AP3B1: variants seen among roughly 807,000 people sequenced by gnomAD.
AP3B1 encodes the protein AP-3 complex subunit beta-1.
In AP3B1, 61 loss-of-function variants were observed where a neutral mutation model predicts 132.5. The ratio of observed to expected loss-of-function variants is 0.46; its 90% confidence interval spans 0.37 to 0.57. The LOEUF (loss-of-function observed/expected upper bound fraction) is 0.57, where lower values mean the gene tolerates loss of function less well. AP3B1 is among the 20% of genes least tolerant of loss of function. AP3B1 has a pLI of 0.00. For synonymous variants in AP3B1, 388 were observed against 438.3 expected (o/e 0.89, Z 1.43); for missense variants, 1,120 against 1,289.4 (o/e 0.87, Z 2.01).
chr5:78,039,324 T>C, intron 22 of AP3B1, 50 bp from the exon 23 acceptor site: 1 of 1,411,418 alleles, frequency 7.1e-7, no homozygotes, highest in Non-Finnish European at 1.0e-6. Flanking sequence ...AATATAATTA[T>C]TCTTTTAGAA....
intron 7 of AP3B1, among the ~76,000 whole-genome samples, 154 bp from the exon 8 acceptor site, chr5:78,181,816 T>C (rs778419286): frequency 6.6e-6 from 1 of 152,148 alleles, no homozygotes; most frequent in East Asian, 1.9e-4. Flanking sequence ...ACAACCTATA[T>C]CGAATAAAGG....
At chr5:78,122,641 G>T (rs1218238501) in intron 17 of AP3B1, among the ~76,000 whole-genome samples, 1 of 152,168 alleles carries the variant, frequency 6.6e-6, no homozygotes, top group Non-Finnish European at 1.5e-5. Context: ...ACTTACAAGG[G>T]ATGGGAAGGA....
At chr5:78,102,600 G>T (rs1242041600) in intron 20 of AP3B1, among the ~76,000 whole-genome samples, 1 of 152,088 alleles carries the variant, frequency 6.6e-6, no homozygotes, top group Non-Finnish European at 1.5e-5. Context: ...AACAAGTGCA[G>T]AATGAAAATG....
intron 2 of AP3B1, among the ~76,000 whole-genome samples, chr5:78,243,443 G>A (rs1415479799): frequency 3.3e-5 from 5 of 152,236 alleles, no homozygotes; most frequent in Admixed American, 1.3e-4. Flanking sequence ...AATATTTGCT[G>A]AGAAGATACT....
rs563512609 is a variant in AP3B1 at position 78,141,130 on chromosome 5, AT to A, written c.1650+12del. The A allele has an allele frequency of 1.8e-4, 296 of 1,612,326 alleles. 2 individuals are homozygous for A. The African/African-American group carries it at 3.5e-3, about 19-fold the overall frequency. ...GTACGTATTAGATAGGTTGACTAAC[AT>A]TTGCCTCTCACCTGTTTGGAGTTGG... is the stretch of plus-strand genomic sequence containing the variant. On this transcript the variant is annotated intron_variant, in intron 15 of 26. Coordinates refer to ENST00000255194, the MANE Select transcript of AP3B1 (RefSeq NM_003664.5).
chr5:78,130,024 T>C (rs145774697), intron 15 of AP3B1, among the ~76,000 whole-genome samples: 3 of 152,230 alleles, frequency 2.0e-5, no homozygotes, highest in African/African-American at 7.2e-5. Flanking sequence ...AACAACTTAT[T>C]ATAGTAGCTT....
At chr5:78,009,155 C>T (rs79973715) in intron 26 of AP3B1, among the ~76,000 whole-genome samples, 6,475 of 152,024 alleles carry the variant, frequency 0.043, 194 homozygotes, top group Non-Finnish European at 0.068. Context: ...AGTTTAAGGC[C>T]TAGATATGGA....
At chr5:78,223,356 G>A (rs1746270209) in intron 6 of AP3B1, among the ~76,000 whole-genome samples, 1 of 151,976 alleles carries the variant, frequency 6.6e-6, no homozygotes, top group Non-Finnish European at 1.5e-5. Flanking sequence ...AAAAATGAGT[G>A]CCTCACAAAG....
rs566273916 is a variant in AP3B1 at position 78,039,936 on chromosome 5, T to C, written c.2578-662A>G. Among the ~76,000 whole-genome samples the C allele has an allele frequency of 2.0e-5, 3 of 151,876 alleles. No homozygotes were observed. In the South Asian group the frequency reaches 6.2e-4, roughly 32 times the overall value. ...AGTTTTTTTCCCTAGATCCTCTATA[T>C]TTGGCCATCTTGCTAACTTTCTTAT... On this transcript the variant is annotated intron_variant, in intron 22 of 26. Transcript: ENST00000255194.
intron 21 of AP3B1, among the ~76,000 whole-genome samples, chr5:78,096,435 C>A (rs1447543123): frequency 6.6e-6 from 1 of 152,000 alleles, no homozygotes; most frequent in Non-Finnish European, 1.5e-5. Flanking sequence ...GCCGCCACCC[C>A]GTCTAGGAAG....
Position 78,039,273 on chromosome 5 carries a change from A to G in AP3B1, c.2579T>C (p.Val860Ala). The G allele has an allele frequency of 1.2e-6, 2 of 1,612,124 alleles. No individual in the cohort carries two copies. Among genetic ancestry groups the G allele is most frequent in the South Asian group, 1.1e-5 (1 of 91,040 alleles). Residue 860 changes from valine to alanine, a missense_variant and splice_region_variant, in exon 23 of 27, where the codon GTC (valine) becomes GCC (alanine). By Grantham distance (64) the Val-to-Ala change is moderately conservative (BLOSUM62 0). Around this residue, in one of 3 missense-constraint regions of AP3B1, gnomAD observed 906 missense variants for 997.1 expected, o/e 0.91. Coordinates refer to ENST00000255194, the MANE Select transcript of AP3B1 (RefSeq NM_003664.5). ...HLSTSSSVIS[V>A]STPAFVPTKT... ...CGTTGGTACAAATGCAGGAGTACTG[A>G]CCTATTACACACGGCAAAAAGAAAA... is the stretch of plus-strand genomic sequence containing the variant.
chr5:78,244,910 G>A (rs1157379229), intron 2 of AP3B1, among the ~76,000 whole-genome samples: 6 of 152,098 alleles, frequency 3.9e-5, no homozygotes, highest in African/African-American at 9.6e-5. Flanking sequence ...CACGAGAATC[G>A]CTTGAACCCA....
At chr5:78,291,079 A>G (rs1001304865) in intron 1 of AP3B1, among the ~76,000 whole-genome samples, 1 of 152,256 alleles carries the variant, frequency 6.6e-6, no homozygotes, top group African/African-American at 2.4e-5. Flanking sequence ...CTACTTTCAT[A>G]AAGCCATCTA....
At chr5:78,252,936 T>G (rs552948371) in intron 2 of AP3B1, among the ~76,000 whole-genome samples, 1 of 152,364 alleles carries the variant, frequency 6.6e-6, no homozygotes, top group Admixed American at 6.5e-5. Context: ...CCCAGTCCTG[T>G]GCTGGCTTCA....
chr5:78,057,532 T>C (rs941942805), intron 22 of AP3B1, among the ~76,000 whole-genome samples: 2 of 152,192 alleles, frequency 1.3e-5, no homozygotes, highest in African/African-American at 2.4e-5. Context: ...CAGGATTTCA[T>C]AGATCCATAA....
At chr5:78,125,398 TCA>T (rs1356216233) in intron 17 of AP3B1, among the ~76,000 whole-genome samples, 1 of 152,150 alleles carries the variant, frequency 6.6e-6, no homozygotes, top group Non-Finnish European at 1.5e-5. Flanking sequence ...AAGTTATATT[TCA>T]CAGTTACAGG....
At chr5:78,118,495 G>A (rs533832640) in intron 17 of AP3B1, among the ~76,000 whole-genome samples, 10 of 152,264 alleles carry the variant, frequency 6.6e-5, no homozygotes, top group East Asian at 5.8e-4. Context: ...CTTTTCCAAC[G>A]GGCTTCAAAA....
At chr5:78,113,692 C>T in intron 19 of AP3B1, 60 bp downstream of exon 19, 1 of 1,589,196 alleles carries the variant, frequency 6.3e-7, no homozygotes, top group South Asian at 1.1e-5. Flanking sequence ...AGAAACATCT[C>T]TGCCTGGGGC....
intron 7 of AP3B1, among the ~76,000 whole-genome samples, chr5:78,210,800 A>G (rs943926187): frequency 6.6e-6 from 1 of 152,060 alleles, no homozygotes; most frequent in Non-Finnish European, 1.5e-5. Flanking sequence ...TTTATTTTAA[A>G]TCACTCTTAA....
Sources: gnomAD v4.1 joint callset for allele counts (sites outside exome capture counted in the v4.1 genomes callset) on GRCh38, gnomAD v4.1.1 for gene constraint, gnomAD v4.1.1 regional missense constraint, MANE v1.5 for transcripts, NCBI Gene and HGNC (gene_info 2026-07-23, HGNC 2026-07-21) for gene names.